ASAP1: variants seen among roughly 807,000 people sequenced by gnomAD.
ASAP1 encodes the protein arf-GAP with SH3 domain, ANK repeat and PH domain-containing protein 1.
In ASAP1, 43 loss-of-function variants were observed where a neutral mutation model predicts 145.2. The ratio of observed to expected loss-of-function variants is 0.30; its 90% confidence interval spans 0.23 to 0.38. The LOEUF (loss-of-function observed/expected upper bound fraction) is 0.38. Among genes scored for constraint, ASAP1 ranks in the 10% least tolerant of loss-of-function variants. The pLI, the probability that ASAP1 is intolerant of heterozygous loss-of-function variation, is 1.00. For synonymous variants in ASAP1, 546 were observed against 515.5 expected (o/e 1.06, Z -0.80); for missense variants, 1,018 against 1,355.3 (o/e 0.75, Z 3.91).
chr8:130,098,658 T>A (rs1043147113), intron 24 of ASAP1, among the ~76,000 whole-genome samples: 2 of 152,174 alleles, frequency 1.3e-5, no homozygotes, highest in Non-Finnish European at 2.9e-5. Flanking sequence ...TAAAAACTTT[T>A]TAGTTGACAC....
intron 3 of ASAP1, among the ~76,000 whole-genome samples, chr8:130,255,579 TTTCA>T (rs1225985940): frequency 6.6e-6 from 1 of 152,220 alleles, no homozygotes; most frequent in Non-Finnish European, 1.5e-5. Flanking sequence ...GTTTTTCCAC[TTTCA>T]TTAATGGTAC....
intron 13 of ASAP1, among the ~76,000 whole-genome samples, chr8:130,146,026 T>TA (rs1304690509): frequency 6.6e-6 from 1 of 150,906 alleles, no homozygotes; most frequent in Non-Finnish European, 1.5e-5. Context: ...GTTTTTTTTT[T>TA]TTTTTTTTAG....
chr8:130,304,741 T>C (rs1403249294), intron 3 of ASAP1, among the ~76,000 whole-genome samples: 2 of 152,218 alleles, frequency 1.3e-5, no homozygotes, highest in Admixed American at 1.3e-4. Context: ...CTGGGCACCC[T>C]CTTTCCACCT....
At chr8:130,102,262 A>G (rs1356072607) in intron 24 of ASAP1, among the ~76,000 whole-genome samples, 1 of 152,046 alleles carries the variant, frequency 6.6e-6, no homozygotes, top group East Asian at 1.9e-4. Flanking sequence ...TTATTTTGAG[A>G]TATGTTCCTT....
chr8:130,426,224 G>A (rs902727287), intron 1 of ASAP1, among the ~76,000 whole-genome samples: 13 of 151,872 alleles, frequency 8.6e-5, no homozygotes, highest in Admixed American at 7.2e-4. Flanking sequence ...CTCCTGCTCC[G>A]CCATGTAAGA....
intron 3 of ASAP1, among the ~76,000 whole-genome samples, chr8:130,311,513 G>A (rs147312325): frequency 0.016 from 2,501 of 152,264 alleles, 69 homozygotes; most frequent in African/African-American, 0.055. Context: ...TGTAATCCCA[G>A]CACTTTGGGA....
chr8:130,073,995 T>C (rs773336680), intron 27 of ASAP1, among the ~76,000 whole-genome samples: 6 of 152,096 alleles, frequency 3.9e-5, no homozygotes, highest in Non-Finnish European at 8.8e-5. Flanking sequence ...AATAACACAG[T>C]TTCTTCAACA....
intron 2 of ASAP1, among the ~76,000 whole-genome samples, chr8:130,400,616 C>T (rs1210776245): frequency 2.3e-5 from 3 of 130,580 alleles, no homozygotes; most frequent in African/African-American, 1.0e-4. Context: ...TGAAACCCGT[C>T]TCTACTAAAA....
rs145648401 is a variant in ASAP1 at position 130,273,277 on chromosome 8, C to T, written c.187-36283G>A. ...ATCTTAAATCTAATATGAAGAAAGC[C>T]CATATGCTAAATCTCTTTCCTTTCT... is the stretch of plus-strand genomic sequence containing the variant. On this transcript the variant is annotated intron_variant, in intron 3 of 29. Coordinates refer to ENST00000518721, the MANE Select transcript of ASAP1 (RefSeq NM_018482.4). Among the ~76,000 whole-genome samples, 183 of 152,086 alleles carry T rather than the reference C, an allele frequency of 1.2e-3. 1 individual carries two copies. The highest frequency in any genetic ancestry group is 4.1e-3 in the African/African-American group (171 of 41,502).
At chr8:130,126,683 A>C (rs1049111919) in intron 16 of ASAP1, among the ~76,000 whole-genome samples, 1 of 152,108 alleles carries the variant, frequency 6.6e-6, no homozygotes, top group Non-Finnish European at 1.5e-5. Flanking sequence ...CTTCTTCCTG[A>C]CTGGTCAATG....
intron 2 of ASAP1, among the ~76,000 whole-genome samples, chr8:130,399,678 T>G (rs534264372): frequency 7.2e-5 from 11 of 152,266 alleles, no homozygotes; most frequent in African/African-American, 2.4e-4. Context: ...AAAATTGAAG[T>G]AATTACAATG....
At chr8:130,254,972 ATAT>A (rs1221825241) in intron 3 of ASAP1, among the ~76,000 whole-genome samples, 2 of 152,130 alleles carry the variant, frequency 1.3e-5, no homozygotes, top group African/African-American at 4.8e-5. Context: ...AACTGCCAAA[ATAT>A]TATCCCCATC....
chr8:130,107,065 C>A (rs2097537995), intron 24 of ASAP1, among the ~76,000 whole-genome samples: 1 of 152,104 alleles, frequency 6.6e-6, no homozygotes, highest in South Asian at 2.1e-4. Flanking sequence ...GACACCTAAT[C>A]CTTATTTTTC....
chr8:130,078,899 G>C (rs62524627), intron 26 of ASAP1, among the ~76,000 whole-genome samples: 25,568 of 151,808 alleles, frequency 0.17, 2,657 homozygotes, highest in East Asian at 0.44. Context: ...TAAGATAGTG[G>C]TATTAAAAAA....
At chr8:130,316,764 T>C (rs913666910) in intron 3 of ASAP1, among the ~76,000 whole-genome samples, 5 of 152,258 alleles carry the variant, frequency 3.3e-5, no homozygotes, top group Non-Finnish European at 5.9e-5. Flanking sequence ...ATTCCAGGCC[T>C]ATGTCTAAGT....
At chr8:130,134,378 T>C (rs2097589383) in intron 14 of ASAP1, 34 bp from the exon 15 acceptor site, 1 of 1,424,634 alleles carries the variant, frequency 7.0e-7, no homozygotes, top group Non-Finnish European at 9.6e-7. Flanking sequence ...AAGTGAAACC[T>C]TAGAAAGCAG....
At chr8:130,175,713 T>C (rs562494928) in intron 9 of ASAP1, among the ~76,000 whole-genome samples, 2 of 152,368 alleles carry the variant, frequency 1.3e-5, no homozygotes, top group South Asian at 2.1e-4. Flanking sequence ...TTTGTCTGCT[T>C]TGACACATTT....
intron 3 of ASAP1, among the ~76,000 whole-genome samples, chr8:130,319,997 T>C (rs919317357): frequency 6.6e-6 from 1 of 152,246 alleles, no homozygotes; most frequent in South Asian, 2.1e-4. Context: ...CATTTTAACA[T>C]ATTCCTGTCT....
intron 3 of ASAP1, among the ~76,000 whole-genome samples, chr8:130,327,651 C>A (rs765887683): frequency 2.6e-5 from 4 of 152,128 alleles, no homozygotes; most frequent in African/African-American, 4.8e-5. Context: ...TAAGGTATAT[C>A]CACATAACAG....
Sources: gnomAD v4.1 joint callset for allele counts (sites outside exome capture counted in the v4.1 genomes callset) on GRCh38, gnomAD v4.1.1 for gene constraint, MANE v1.5 for transcripts, NCBI Gene and HGNC (gene_info 2026-07-23, HGNC 2026-07-21) for gene names.